The following LPGAT1 variants were observed in gnomAD, a reference collection of about 807,000 sequenced individuals.
LPGAT1 encodes the protein lysophosphatidylglycerol acyltransferase 1, also known as acyl-CoA:lysophosphatidylglycerol acyltransferase 1.
A neutral mutation model predicts 47.5 loss-of-function variants in LPGAT1; 11 were observed. The observed-to-expected ratio is 0.23, with a 90% CI of 0.15 to 0.38. LPGAT1 has a LOEUF of 0.38. Among genes scored for constraint, LPGAT1 ranks in the 10% least tolerant of loss-of-function variants. The pLI is 1.00. For synonymous variants in LPGAT1, 138 were observed against 144.2 expected, an observed-to-expected ratio of 0.96 and a Z score of 0.31; for missense variants, 293 against 439.0, an observed-to-expected ratio of 0.67 and a Z score of 2.97.
In LPGAT1 at chr1:211,749,632, T is replaced by C. The variant is rs1657091579; in HGVS notation, c.*267A>G. On this transcript the variant is annotated 3_prime_UTR_variant, in exon 8 of 8. Coordinates refer to ENST00000366997, the MANE Select transcript of LPGAT1 (RefSeq NM_014873.3). ...CTTCTAGGATGATTTTATGATTTCC[T>C]CTTCTCCAAATGTGATGTTTGCTTA... 3 of 372,838 alleles carry C rather than the reference T, an allele frequency of 8.0e-6. No individual in the cohort carries two copies. The highest frequency in any genetic ancestry group is 1.5e-5 in the Non-Finnish European group (3 of 205,786). The allele number at this position is 372,838 out of a possible 1,614,324, so 23.1% of individuals were successfully genotyped here.
At chr1:211,751,370 C>T (rs547739887) in intron 6 of LPGAT1, among the ~76,000 whole-genome samples, 1 of 152,320 alleles carries the variant, frequency 6.6e-6, no homozygotes, top group Non-Finnish European at 1.5e-5. Flanking sequence ...ATAATTATGT[C>T]TTCCCATGTT....
chr1:211,828,361 T>C (rs1287468003), intron 2 of LPGAT1, among the ~76,000 whole-genome samples: 1 of 152,172 alleles, frequency 6.6e-6, no homozygotes, highest in African/African-American at 2.4e-5. Flanking sequence ...TCTCAGAAAA[T>C]AAACACTTCT....
chr1:211,824,193 T>C (rs983821224), intron 2 of LPGAT1, among the ~76,000 whole-genome samples: 1 of 151,982 alleles, frequency 6.6e-6, no homozygotes, highest in Non-Finnish European at 1.5e-5. Context: ...GGTCAGGAGT[T>C]CAAGACCAGC....
At chr1:211,777,939 T>A (rs906586595) in intron 6 of LPGAT1, among the ~76,000 whole-genome samples, 13 of 152,202 alleles carry the variant, frequency 8.5e-5, no homozygotes, top group Non-Finnish European at 1.3e-4. Flanking sequence ...AAAAGCAAGA[T>A]GGCCACAAGA....
chr1:211,760,784 G>C (rs1288566158), intron 6 of LPGAT1, among the ~76,000 whole-genome samples: 1 of 152,148 alleles, frequency 6.6e-6, no homozygotes, highest in Non-Finnish European at 1.5e-5. Context: ...TAGACAGAAG[G>C]GTGCTCGGAG....
intron 4 of LPGAT1, among the ~76,000 whole-genome samples, chr1:211,786,059 C>A (rs900860915): frequency 2.0e-5 from 3 of 152,214 alleles, no homozygotes; most frequent in African/African-American, 7.2e-5. Context: ...GGTTCCGCTG[C>A]CTTCTCTGAG....
chr1:211,768,768 T>G (rs1051536103), intron 6 of LPGAT1, among the ~76,000 whole-genome samples: 4 of 152,194 alleles, frequency 2.6e-5, no homozygotes, highest in African/African-American at 9.6e-5. Context: ...CCAAATCCTC[T>G]TAAGCATATT....
chr1:211,797,317 T>TC (rs1558273737), intron 2 of LPGAT1, among the ~76,000 whole-genome samples: 5 of 141,908 alleles, frequency 3.5e-5, no homozygotes, highest in African/African-American at 1.4e-4. Flanking sequence ...TTTTCTTTTT[T>TC]TTTTTTTTTT....
At chr1:211,783,834 TAA>T (rs1388053999) in intron 4 of LPGAT1, among the ~76,000 whole-genome samples, 4 of 152,166 alleles carry the variant, frequency 2.6e-5, no homozygotes, top group African/African-American at 4.8e-5. Flanking sequence ...GAGGAGGAAA[TAA>T]AGAGACTTTC....
At chr1:211,805,901 T>C (rs752576405) in intron 2 of LPGAT1, among the ~76,000 whole-genome samples, 13 of 151,972 alleles carry the variant, frequency 8.6e-5, no homozygotes, top group Non-Finnish European at 1.5e-4. Context: ...TATTAGCAAA[T>C]GGAATCCAAC....
rs527858780 is a variant in LPGAT1, at chr1:211,822,762, A to G, written c.238+6297T>C. Among the ~76,000 whole-genome samples the G allele has an allele frequency of 3.0e-5, 4 of 131,652 alleles. No homozygotes were observed. In the South Asian group the frequency reaches 1.0e-3, roughly 34 times the overall value. The allele number at this position is 131,652 out of a possible 152,430, so 86.4% of individuals were successfully genotyped here. ...CATTGCACTCCAGCCTGGGTGACAG[A>G]GCAAGACTTCATCTCAAAAAAAAAA... On this transcript the variant is annotated intron_variant, in intron 2 of 7. Transcript: ENST00000366997.
chr1:211,750,134 A>G, intron 7 of LPGAT1, 84 bp from the exon 8 acceptor site: 2 of 1,221,852 alleles, frequency 1.6e-6, no homozygotes, highest in Non-Finnish European at 2.4e-6. Context: ...GCTTAACTAC[A>G]TTTGTACATG....
intron 6 of LPGAT1, among the ~76,000 whole-genome samples, chr1:211,761,656 G>C (rs1657703745): frequency 6.6e-6 from 1 of 152,164 alleles, no homozygotes; most frequent in South Asian, 2.1e-4. Flanking sequence ...TATTGTGAAA[G>C]TCTGTTTGAA....
intron 2 of LPGAT1, among the ~76,000 whole-genome samples, chr1:211,802,848 C>A (rs1659624726): frequency 6.6e-6 from 1 of 151,810 alleles, no homozygotes; most frequent in Admixed American, 6.6e-5. Flanking sequence ...CATGAAATTT[C>A]AAAACAATAA....
intron 6 of LPGAT1, among the ~76,000 whole-genome samples, chr1:211,772,197 T>C (rs913705038): frequency 2.0e-5 from 3 of 152,234 alleles, no homozygotes; most frequent in Non-Finnish European, 4.4e-5. Context: ...GGATAGTTTG[T>C]CGTTTCTCCA....
intron 6 of LPGAT1, among the ~76,000 whole-genome samples, chr1:211,775,266 G>A (rs558102372): frequency 1.3e-4 from 20 of 152,294 alleles, no homozygotes; most frequent in Non-Finnish European, 1.9e-4. Context: ...ACAGTGAGCC[G>A]AGATTGTGCC....
rs150960503 is a variant in LPGAT1 at position 211,777,868 on chromosome 1, C to T, written c.854+1050G>A. Among the ~76,000 whole-genome samples, 846 of 152,266 alleles carry T rather than the reference C, an allele frequency of 5.6e-3. 6 individuals are homozygous for T. Among genetic ancestry groups the T allele is most frequent in the African/African-American group, 0.02 (814 of 41,554 alleles). ...TGAGACAGGAGGTCAGCACAAAATA[C>T]AGGTCATAAAGACCTTGCTAATAAA... On this transcript the variant is annotated intron_variant, in intron 6 of 7. Transcript: ENST00000366997.
chr1:211,810,166 A>G (rs1470242054), intron 2 of LPGAT1, among the ~76,000 whole-genome samples: 1 of 152,180 alleles, frequency 6.6e-6, no homozygotes, highest in East Asian at 1.9e-4. Context: ...ATTAATTTAC[A>G]CCACCTCCTG....
At chr1:211,756,034 G>A (rs1291422094) in intron 6 of LPGAT1, among the ~76,000 whole-genome samples, 1 of 152,122 alleles carries the variant, frequency 6.6e-6, no homozygotes, top group South Asian at 2.1e-4. Flanking sequence ...TCAGGGGTTT[G>A]AGACAAGCCT....
Sources: allele counts gnomAD v4.1 joint callset (sites outside exome capture counted in the v4.1 genomes callset), GRCh38; gene constraint gnomAD v4.1.1; transcripts MANE v1.5; gene names NCBI Gene and HGNC (gene_info 2026-07-23, HGNC 2026-07-21).